TLN2: variants seen among roughly 807,000 people sequenced by gnomAD.
TLN2 encodes the protein talin-2.
In TLN2, 118 loss-of-function variants were observed where a neutral mutation model predicts 294.7. That is an observed-to-expected ratio of 0.40 (90% CI 0.34 to 0.47). TLN2 has a LOEUF of 0.47. TLN2 is among the 20% of genes least tolerant of loss of function. The pLI is 0.84. For synonymous variants in TLN2, 1,431 were observed against 1,304.5 expected, an observed-to-expected ratio of 1.10 and a Z score of -2.09; for missense variants, 3,083 against 3,282.2, an observed-to-expected ratio of 0.94 and a Z score of 1.48.
At chr15:62,489,803 C>T (rs945129716) in intron 1 of TLN2, among the ~76,000 whole-genome samples, 1 of 152,232 alleles carries the variant, frequency 6.6e-6, no homozygotes, top group Non-Finnish European at 1.5e-5. Context: ...TGTGAAGGTG[C>T]TTCAGCAGCT....
At chr15:62,640,504 C>T (rs914263788) in intron 3 of TLN2, 3 of 374,590 alleles carry the variant, frequency 8.0e-6, no homozygotes, top group Admixed American at 3.4e-5. Context: ...GTGCAGAGCC[C>T]CCATTGTGCC....
At chr15:62,475,403 C>A (rs902213196) in intron 1 of TLN2, among the ~76,000 whole-genome samples, 3 of 152,102 alleles carry the variant, frequency 2.0e-5, no homozygotes, top group African/African-American at 4.8e-5. Context: ...GTGTGATCTG[C>A]TCGAGGTTGC....
intron 4 of TLN2, among the ~76,000 whole-genome samples, chr15:62,648,543 C>T (rs374742897): frequency 2.6e-3 from 284 of 109,232 alleles, no homozygotes; most frequent in African/African-American, 0.01. Context: ...ATGATGATGA[C>T]GATTTTTTTT....
At chr15:62,437,862 C>T (rs1222075765) in intron 1 of TLN2, among the ~76,000 whole-genome samples, 1 of 151,998 alleles carries the variant, frequency 6.6e-6, no homozygotes, top group African/African-American at 2.4e-5. Flanking sequence ...ATAGCATCTG[C>T]AAAAATGTAT....
intron 52 of TLN2, among the ~76,000 whole-genome samples, chr15:62,811,334 C>T (rs1375251720): frequency 1.3e-5 from 2 of 152,148 alleles, no homozygotes; most frequent in African/African-American, 2.4e-5. Flanking sequence ...GACATCTTAG[C>T]CAGTCAGCAT....
intron 1 of TLN2, among the ~76,000 whole-genome samples, chr15:62,426,076 G>A (rs976925218): frequency 2.0e-5 from 3 of 152,174 alleles, no homozygotes; most frequent in Non-Finnish European, 4.4e-5. Flanking sequence ...CTCTACTAAG[G>A]TATGGCCCAG....
intron 2 of TLN2, among the ~76,000 whole-genome samples, chr15:62,606,914 G>T (rs887080294): frequency 6.6e-6 from 1 of 152,176 alleles, no homozygotes; most frequent in African/African-American, 2.4e-5. Flanking sequence ...CAGAGCAAGT[G>T]CTCCACGGTG....
intron 1 of TLN2, among the ~76,000 whole-genome samples, chr15:62,410,917 G>C (rs1200605832): frequency 6.6e-6 from 1 of 152,178 alleles, no homozygotes; most frequent in Non-Finnish European, 1.5e-5. Context: ...AGTGTATCTT[G>C]TAAATTCGTG....
At chr15:62,609,099 G>C (rs140746493) in intron 2 of TLN2, among the ~76,000 whole-genome samples, 6 of 151,922 alleles carry the variant, frequency 3.9e-5, no homozygotes, top group Non-Finnish European at 7.4e-5. Flanking sequence ...AAAAATGAAC[G>C]TTCCCCCTGG....
At chr15:62,715,955 A>G (rs780079083) in intron 22 of TLN2, among the ~76,000 whole-genome samples, 2 of 152,164 alleles carry the variant, frequency 1.3e-5, no homozygotes, top group Non-Finnish European at 1.5e-5. Context: ...ACATGAAGAC[A>G]TGTGTCATTA....
Position 62,809,986 on chromosome 15 carries a change from C to G in TLN2, c.6725C>G (p.Thr2242Arg). 1 of 1,614,032 alleles carries G rather than the reference C, an allele frequency of 6.2e-7. No individual in the cohort carries two copies. The highest frequency in any genetic ancestry group is 8.5e-7 in the Non-Finnish European group (1 of 1,180,018). The change falls in exon 52 of 59, where the codon ACG becomes AGG. Residue 2242 changes from threonine (T) to arginine (R), a missense_variant. Physicochemically the swap from Thr to Arg is moderately conservative, Grantham distance 71 (BLOSUM62 -1). Transcript: ENST00000636159. ...EVRTRALRFG[T>R]ECTLGYLDLL... ...AGAACCAGAGCCTTGCGTTTCGGGACGGAGTGCACCCTTGGCTACTTGGAC... is the reference window on the plus strand; with the variant it reads ...AGAACCAGAGCCTTGCGTTTCGGGAGGGAGTGCACCCTTGGCTACTTGGAC...
At chr15:62,801,723 G>C (rs1367111131) in intron 50 of TLN2, among the ~76,000 whole-genome samples, 1 of 152,220 alleles carries the variant, frequency 6.6e-6, no homozygotes, top group African/African-American at 2.4e-5. Flanking sequence ...AAAGCTGGTG[G>C]TGCCTTAAGT....
intron 28 of TLN2, among the ~76,000 whole-genome samples, chr15:62,735,218 C>G (rs1323559455): frequency 6.6e-6 from 1 of 152,170 alleles, no homozygotes; most frequent in African/African-American, 2.4e-5. Flanking sequence ...GAGATGAGCT[C>G]TAGGGTAAGC....
At chr15:62,437,748 T>TGGG (rs56340210) in intron 1 of TLN2, among the ~76,000 whole-genome samples, 11 of 125,224 alleles carry the variant, frequency 8.8e-5, no homozygotes, top group Non-Finnish European at 1.8e-4. Context: ...AAAAACACCA[T>TGGG]GGGGGTGTGT....
chr15:62,467,556 G>A (rs2037210255), intron 1 of TLN2, among the ~76,000 whole-genome samples: 1 of 152,154 alleles, frequency 6.6e-6, no homozygotes, highest in Non-Finnish European at 1.5e-5. Context: ...GCCGTGCATG[G>A]TGGTGCACGC....
intron 53 of TLN2, 80 bp from the exon 54 acceptor site, chr15:62,820,406 A>G: frequency 1.3e-6 from 2 of 1,512,846 alleles, no homozygotes; most frequent in Non-Finnish European, 1.8e-6. Context: ...ATGCATGCAA[A>G]TCCAGATAGT....
At chr15:62,733,202 G>A (rs1287867708) in intron 28 of TLN2, among the ~76,000 whole-genome samples, 1 of 152,196 alleles carries the variant, frequency 6.6e-6, no homozygotes, top group Non-Finnish European at 1.5e-5. Context: ...CCAGGAGAGA[G>A]GGATGTCTCT....
chr15:62,406,641 G>A (rs1329291486), intron 1 of TLN2, among the ~76,000 whole-genome samples: 1 of 152,206 alleles, frequency 6.6e-6, no homozygotes, highest in African/African-American at 2.4e-5. Context: ...TGCATGGAAA[G>A]GGATGGTAAC....
At position 62,747,112 on chromosome 15, in the gene TLN2, T is replaced by C. The variant is rs74248885; in HGVS notation, c.4026-1239T>C. 4.8e-3 allele frequency among the ~76,000 whole-genome samples: 725 copies of C among 152,324 alleles called. 21 individuals carry two copies. In the East Asian group the frequency reaches 0.088, roughly 19 times the overall value. On this transcript the variant is annotated intron_variant, in intron 32 of 58. Coordinates refer to ENST00000636159, the MANE Select transcript of TLN2 (RefSeq NM_015059.3). ...TTAAACAACTATGAGCTATATCTTA[T>C]ACTATACAAAAAGTTAACTACGAAT...
Sources: gnomAD v4.1 joint callset for allele counts (sites outside exome capture counted in the v4.1 genomes callset) on GRCh38, gnomAD v4.1.1 for gene constraint, MANE v1.5 for transcripts, NCBI Gene and HGNC (gene_info 2026-07-23, HGNC 2026-07-21) for gene names.